Variants in XKR6 observed in about 807,000 individuals in gnomAD.
XKR6 encodes XK related 6, also known as XK-related protein 6.
XKR6 carries 22 observed loss-of-function variants against 56.7 expected under a neutral mutation model. The observed-to-expected ratio is 0.39, with a 90% confidence interval of 0.28 to 0.55. XKR6 has a LOEUF of 0.55. XKR6 is among the 20% of genes least tolerant of loss of function. The probability of loss-of-function intolerance (pLI) is 0.66; values close to 1 mark genes in which losing one functional copy is unlikely to be tolerated. For missense variants in XKR6, 852 were observed against 889.0 expected (o/e 0.96, Z 0.53); for synonymous variants, 524 against 387.8 (o/e 1.35, Z -4.13).
intron 1 of XKR6, among the ~76,000 whole-genome samples, chr8:10,948,342 G>C (rs183009487): frequency 2.1e-4 from 32 of 152,288 alleles, no homozygotes; most frequent in African/African-American, 7.7e-4. Flanking sequence ...TCCTGTGGAA[G>C]ATGCCCAGCA....
chr8:11,147,757 C>T (rs1236189858), intron 1 of XKR6, among the ~76,000 whole-genome samples: 2 of 151,820 alleles, frequency 1.3e-5, no homozygotes, highest in African/African-American at 4.8e-5. Context: ...TGCCATTACA[C>T]ACCTAATAGA....
At chr8:10,904,845 A>G (rs1015624048) in intron 2 of XKR6, among the ~76,000 whole-genome samples, 1 of 152,194 alleles carries the variant, frequency 6.6e-6, no homozygotes. Context: ...GCTGGGCTCA[A>G]CTGCAGGAAT....
At chr8:11,081,901 G>A (rs376695077) in intron 1 of XKR6, among the ~76,000 whole-genome samples, 2 of 152,196 alleles carry the variant, frequency 1.3e-5, no homozygotes, top group African/African-American at 4.8e-5. Context: ...CTTGCCCCTC[G>A]AGGTGGGACT....
intron 1 of XKR6, among the ~76,000 whole-genome samples, chr8:11,015,586 T>C (rs988810709): frequency 1.3e-5 from 2 of 152,114 alleles, no homozygotes; most frequent in Admixed American, 1.3e-4. Flanking sequence ...GATGAGTGTC[T>C]GAAGCCAGGG....
At chr8:10,917,753 T>C (rs183878485) in intron 2 of XKR6, among the ~76,000 whole-genome samples, 107 of 152,304 alleles carry the variant, frequency 7.0e-4, no homozygotes, top group African/African-American at 1.7e-3. Context: ...ATGCACCATA[T>C]TGGAAATGTA....
At chr8:10,991,047 G>C (rs1269849625) in intron 1 of XKR6, among the ~76,000 whole-genome samples, 1 of 151,940 alleles carries the variant, frequency 6.6e-6, no homozygotes, top group African/African-American at 2.4e-5. Context: ...GGGATTACAG[G>C]CACCCACCAA....
At chr8:11,179,206 G>A (rs1035193354) in intron 1 of XKR6, among the ~76,000 whole-genome samples, 11 of 151,990 alleles carry the variant, frequency 7.2e-5, no homozygotes, top group East Asian at 1.9e-4. Context: ...AGCACCAAAC[G>A]AGTATAGTCA....
intron 1 of XKR6, among the ~76,000 whole-genome samples, chr8:11,173,416 CAT>C (rs768500760): frequency 2.0e-5 from 3 of 149,360 alleles, no homozygotes; most frequent in African/African-American, 7.4e-5. Flanking sequence ...TATACATATA[CAT>C]ATATATATAT....
At chr8:11,038,587 T>C (rs1799206327) in intron 1 of XKR6, among the ~76,000 whole-genome samples, 1 of 150,532 alleles carries the variant, frequency 6.6e-6, no homozygotes, top group Non-Finnish European at 1.5e-5. Flanking sequence ...TAGGCTGGAG[T>C]GCAGTTGTAT....
intron 1 of XKR6, among the ~76,000 whole-genome samples, chr8:10,938,053 A>T (rs1586327701): frequency 6.6e-6 from 1 of 150,932 alleles, no homozygotes; most frequent in East Asian, 1.9e-4. Context: ...AATCAGCGAG[A>T]CTCCGTGGGC....
intron 1 of XKR6, among the ~76,000 whole-genome samples, chr8:11,131,080 A>G (rs536072700): frequency 6.6e-6 from 1 of 152,226 alleles, no homozygotes; most frequent in African/African-American, 2.4e-5. Context: ...CTAGCTGTGG[A>G]TGGTAATCCT....
At chr8:11,029,623 G>T (rs1290683069) in intron 1 of XKR6, among the ~76,000 whole-genome samples, 1 of 152,116 alleles carries the variant, frequency 6.6e-6, no homozygotes, top group Admixed American at 6.5e-5. Context: ...ATCAGTGTCT[G>T]CTGTGTGAGC....
Position 11,201,310 on chromosome 8 carries a change from C to A in XKR6, c.30G>T (p.Val10=). The A allele has an allele frequency of 1.3e-6, 2 of 1,579,634 alleles. No individual in the cohort carries two copies. The highest frequency in any genetic ancestry group is 1.7e-6 in the Non-Finnish European group (2 of 1,172,866). The part of the protein sequence containing the change: MAAKSDGGG[V]GVGFAQLHNL... ...TGTGCAGCTGAGCGAAGCCCACCCC[C>A]ACGCCACCGCCATCGGATTTCGCCG... Residue 10 remains valine, a synonymous_variant, in exon 1 of 3, where the codon GTG becomes GTT. Coordinates refer to ENST00000416569, the MANE Select transcript of XKR6 (RefSeq NM_173683.4).
At chr8:11,011,794 G>A (rs1290307481) in intron 1 of XKR6, among the ~76,000 whole-genome samples, 1 of 152,194 alleles carries the variant, frequency 6.6e-6, no homozygotes, top group African/African-American at 2.4e-5. Context: ...GAATATTTCA[G>A]GCAGAAGCCA....
chr8:10,976,056 G>A (rs1586379858), intron 1 of XKR6, among the ~76,000 whole-genome samples: 1 of 152,080 alleles, frequency 6.6e-6, no homozygotes, highest in South Asian at 2.1e-4. Context: ...GGCGCCTGTA[G>A]TCCCAGCTAC....
intron 1 of XKR6, among the ~76,000 whole-genome samples, chr8:11,149,113 C>G (rs757423191): frequency 3.9e-5 from 6 of 152,164 alleles, no homozygotes; most frequent in Non-Finnish European, 7.4e-5. Flanking sequence ...AAGCCTAACC[C>G]CTAATGTGAT....
intron 1 of XKR6, among the ~76,000 whole-genome samples, chr8:11,102,688 C>A (rs1798529282): frequency 6.6e-6 from 1 of 152,100 alleles, no homozygotes; most frequent in Non-Finnish European, 1.5e-5. Flanking sequence ...GCTACTTCAG[C>A]ATTCAAAGTT....
intron 1 of XKR6, among the ~76,000 whole-genome samples, chr8:11,008,771 G>T (rs556973657): frequency 1.8e-4 from 27 of 152,174 alleles, no homozygotes; most frequent in African/African-American, 6.5e-4. Context: ...AGTGCTTCCA[G>T]GAGCCCTGAT....
At chr8:11,082,264 G>A (rs1797750290) in intron 1 of XKR6, among the ~76,000 whole-genome samples, 1 of 152,222 alleles carries the variant, frequency 6.6e-6, no homozygotes, top group Non-Finnish European at 1.5e-5. Context: ...AGAACCAGGA[G>A]TCTGGAACAT....
Sources: allele counts gnomAD v4.1 joint callset (sites outside exome capture counted in the v4.1 genomes callset), GRCh38; gene constraint gnomAD v4.1.1; transcripts MANE v1.5; gene names NCBI Gene and HGNC (gene_info 2026-07-23, HGNC 2026-07-21).